Variants in ZEB1 observed in about 807,000 individuals in gnomAD.
ZEB1 encodes zinc finger E-box binding homeobox 1.
In ZEB1, 21 loss-of-function variants were observed where a neutral mutation model predicts 84.9. That is an observed-to-expected ratio of 0.25 (90% confidence interval 0.18 to 0.36). The LOEUF (loss-of-function observed/expected upper bound fraction) is 0.36. Among genes scored for constraint, ZEB1 ranks in the 10% least tolerant of loss-of-function variants. The pLI is 1.00. For synonymous variants in ZEB1, 420 were observed against 471.1 expected (o/e 0.89, Z 1.41); for missense variants, 1,104 against 1,330.2 (o/e 0.83, Z 2.65).
chr10:31,363,635 C>G (rs1412156022), intron 1 of ZEB1: 2 of 1,489,112 alleles, frequency 1.3e-6, no homozygotes, highest in Admixed American at 2.0e-5. Flanking sequence ...ATCACCTGAT[C>G]ATCTAATGAA....
intron 3 of ZEB1, among the ~76,000 whole-genome samples, chr10:31,497,924 A>AATAGATAGATAGATAGATAGATAG (rs145458133): frequency 2.8e-5 from 4 of 145,382 alleles, no homozygotes; most frequent in Admixed American, 7.0e-5. Flanking sequence ...AGGATGGAAA[A>AATAGATAGATAGATAGATAGATAG]ATAGATAGAT....
intron 1 of ZEB1, among the ~76,000 whole-genome samples, chr10:31,445,557 A>T (rs1264922039): frequency 6.6e-6 from 1 of 152,100 alleles, no homozygotes; most frequent in African/African-American, 2.4e-5. Flanking sequence ...TGGGTCTGTC[A>T]TAGATAGCTC....
chr10:31,326,126 G>T (rs2035440081), intron 1 of ZEB1, among the ~76,000 whole-genome samples: 1 of 151,954 alleles, frequency 6.6e-6, no homozygotes, highest in Admixed American at 6.6e-5. Flanking sequence ...GAAATTTAGG[G>T]TCTTTAAGTA....
chr10:31,393,515 G>T (rs942106989), intron 1 of ZEB1, among the ~76,000 whole-genome samples: 5 of 150,706 alleles, frequency 3.3e-5, no homozygotes, highest in African/African-American at 1.2e-4. Context: ...TTTGTAAATA[G>T]TTTTTTTCAA....
chr10:31,518,343 T>C (rs2071581335), intron 6 of ZEB1, among the ~76,000 whole-genome samples: 1 of 152,152 alleles, frequency 6.6e-6, no homozygotes, highest in Admixed American at 6.6e-5. Context: ...ATTTAACCTA[T>C]ATAAGAGAAG....
At chr10:31,379,675 A>G (rs1319766268) in intron 1 of ZEB1, among the ~76,000 whole-genome samples, 4 of 151,702 alleles carry the variant, frequency 2.6e-5, no homozygotes, top group Non-Finnish European at 5.9e-5. Context: ...GTACTAGAAT[A>G]TATCTGGCTT....
intron 2 of ZEB1, among the ~76,000 whole-genome samples, chr10:31,473,621 A>G (rs1480963145): frequency 6.7e-6 from 1 of 149,600 alleles, no homozygotes; most frequent in Non-Finnish European, 1.5e-5. Context: ...TATCGTGAAA[A>G]TGGCCATACT....
chr10:31,463,715 A>G (rs979555040), intron 2 of ZEB1, among the ~76,000 whole-genome samples: 1 of 152,214 alleles, frequency 6.6e-6, no homozygotes, highest in Non-Finnish European at 1.5e-5. Flanking sequence ...TTGAAGTCCA[A>G]GTTTACATTG....
At chr10:31,373,796 G>A (rs558678792) in intron 1 of ZEB1, among the ~76,000 whole-genome samples, 60 of 151,576 alleles carry the variant, frequency 4.0e-4, no homozygotes, top group African/African-American at 1.3e-3. Context: ...ATAATATGGC[G>A]CAGAATCAAA....
At chr10:31,356,160 A>C (rs889275077) in intron 1 of ZEB1, among the ~76,000 whole-genome samples, 1 of 152,130 alleles carries the variant, frequency 6.6e-6, no homozygotes, top group African/African-American at 2.4e-5. Flanking sequence ...GTTAGGAGGA[A>C]GTGACTATAT....
rs992198036 is a variant in ZEB1 at position 31,339,742 on chromosome 10, G to A, written c.58+20450G>A. Among the ~76,000 whole-genome samples the A allele has an allele frequency of 4.0e-5, 6 of 149,670 alleles. No individual in the cohort carries two copies. In the East Asian group the frequency reaches 5.9e-4, roughly 15 times the overall value. On this transcript the variant is annotated intron_variant, in intron 1 of 8. Coordinates refer to ENST00000424869, the MANE Select transcript of ZEB1 (RefSeq NM_001174096.2). ...CTGAGATTGCACCACTCACTCCAGC[G>A]ACAGAGAGAGACTCTGTCTCAAATT...
chr10:31,515,766 G>A (rs2070971881), intron 6 of ZEB1, among the ~76,000 whole-genome samples: 1 of 151,920 alleles, frequency 6.6e-6, no homozygotes, highest in South Asian at 2.1e-4. Context: ...ATTGATTATT[G>A]TTTCTAAAAA....
intron 1 of ZEB1, among the ~76,000 whole-genome samples, chr10:31,450,873 C>T (rs902406832): frequency 2.0e-5 from 3 of 149,448 alleles, no homozygotes; most frequent in African/African-American, 2.4e-5. Context: ...TAGGACTGAG[C>T]GTGTGTGTGT....
At chr10:31,399,294 C>T (rs1018625656) in intron 1 of ZEB1, among the ~76,000 whole-genome samples, 4 of 151,980 alleles carry the variant, frequency 2.6e-5, no homozygotes, top group Admixed American at 2.6e-4. Context: ...CGTGCCTGGC[C>T]CCTGTAGTCT....
intron 1 of ZEB1, chr10:31,319,573 CG>C: frequency 2.5e-6 from 1 of 399,786 alleles, no homozygotes; most frequent in Admixed American, 4.6e-5. Flanking sequence ...GACCGTTAGC[CG>C]GCGCCGACGC....
chr10:31,378,292 A>C (rs1306717676), intron 1 of ZEB1, among the ~76,000 whole-genome samples: 1 of 151,462 alleles, frequency 6.6e-6, no homozygotes, highest in Non-Finnish European at 1.5e-5. Flanking sequence ...ACATTGAGTA[A>C]AAAAGTATAT....
At chr10:31,446,975 C>A (rs1262704314) in intron 1 of ZEB1, among the ~76,000 whole-genome samples, 2 of 151,908 alleles carry the variant, frequency 1.3e-5, no homozygotes, top group Admixed American at 6.6e-5. Context: ...TCCTTGTTGA[C>A]TTTCTGTCTC....
At chr10:31,365,547 A>G (rs1397303955) in intron 1 of ZEB1, among the ~76,000 whole-genome samples, 1 of 152,226 alleles carries the variant, frequency 6.6e-6, no homozygotes, top group African/African-American at 2.4e-5. Flanking sequence ...CACAGGTCAT[A>G]TTATAGGATA....
chr10:31,399,771 A>G (rs1283137931), intron 1 of ZEB1, among the ~76,000 whole-genome samples: 1 of 152,212 alleles, frequency 6.6e-6, no homozygotes, highest in South Asian at 2.1e-4. Flanking sequence ...AGTTCTTAAA[A>G]TAGCCTACCA....
Sources: allele counts gnomAD v4.1 joint callset (sites outside exome capture counted in the v4.1 genomes callset), GRCh38; gene constraint gnomAD v4.1.1; transcripts MANE v1.5; gene names NCBI Gene and HGNC (gene_info 2026-07-23, HGNC 2026-07-21).